Variants in COL14A1 observed in about 807,000 individuals in gnomAD.
COL14A1 encodes the protein collagen alpha-1(XIV) chain.
Under a neutral mutation model 230.3 loss-of-function variants are expected in COL14A1, and 136 were observed. The observed-to-expected ratio is 0.59, with a 90% CI of 0.51 to 0.68. COL14A1 has a LOEUF of 0.68. COL14A1 is among the 30% of genes least tolerant of loss of function. The pLI is 0.00. For synonymous variants in COL14A1, 792 were observed against 784.1 expected (o/e 1.01, Z -0.17); for missense variants, 1,976 against 2,215.8 (o/e 0.89, Z 2.17).
intron 26 of COL14A1, among the ~76,000 whole-genome samples, chr8:120,274,850 G>A (rs1369624883): frequency 1.3e-5 from 2 of 151,806 alleles, no homozygotes; most frequent in Non-Finnish European, 2.9e-5. Context: ...AATCAGAGAT[G>A]ACACAAACAA....
chr8:120,328,500 G>A (rs1821762301), intron 40 of COL14A1, among the ~76,000 whole-genome samples: 1 of 151,738 alleles, frequency 6.6e-6, no homozygotes, highest in South Asian at 2.1e-4. Context: ...CCAACATGCT[G>A]GGATTACAGG....
chr8:120,324,751 G>T (rs910235259), intron 40 of COL14A1, among the ~76,000 whole-genome samples: 2 of 152,094 alleles, frequency 1.3e-5, no homozygotes, highest in African/African-American at 4.8e-5. Flanking sequence ...ACCTACCATT[G>T]TCAGCTTCGA....
intron 40 of COL14A1, among the ~76,000 whole-genome samples, chr8:120,329,783 A>G (rs1821805517): frequency 6.6e-6 from 1 of 152,206 alleles, no homozygotes; most frequent in Non-Finnish European, 1.5e-5. Flanking sequence ...AAATACTAAT[A>G]TATTTCAGGA....
intron 19 of COL14A1, among the ~76,000 whole-genome samples, chr8:120,238,862 A>G (rs1163075112): frequency 6.6e-6 from 1 of 151,888 alleles, no homozygotes; most frequent in Non-Finnish European, 1.5e-5. Flanking sequence ...TAGGGGAGGG[A>G]GTTCCCCAAC....
At chr8:120,333,803 G>A (rs1219641962) in intron 42 of COL14A1, among the ~76,000 whole-genome samples, 2 of 152,162 alleles carry the variant, frequency 1.3e-5, no homozygotes, top group Non-Finnish European at 2.9e-5. Flanking sequence ...CTTGGCTCAT[G>A]TCCACCTGCA....
chr8:120,371,064 C>T, intron 47 of COL14A1, 88 bp from the exon 48 acceptor site: 1 of 1,194,930 alleles, frequency 8.4e-7, no homozygotes, highest in Non-Finnish European at 1.2e-6. Context: ...CAGGATATCT[C>T]TGTGTCTCTA....
At chr8:120,220,657 C>T (rs538510750) in intron 14 of COL14A1, among the ~76,000 whole-genome samples, 2 of 152,274 alleles carry the variant, frequency 1.3e-5, no homozygotes, top group Non-Finnish European at 1.5e-5. Flanking sequence ...ACTTCCTCTT[C>T]CTCCCTCTGC....
At position 120,224,023 on chromosome 8, in the gene COL14A1, C is replaced by CTTTTTTTTTTTT. The variant is rs962510256; in HGVS notation, c.1738-1055_1738-1044dup. On this transcript the variant is annotated intron_variant, in intron 14 of 47. Coordinates refer to ENST00000297848, the MANE Select transcript of COL14A1 (RefSeq NM_021110.4). ...GCCTTCTAGACCCTGCCCTCATCTC[C>CTTTTTTTTTTTT]TTTTTTTTTTTTTTTTTTTTTGAGA... Among the ~76,000 whole-genome samples, 668 of 78,262 alleles carry CTTTTTTTTTTTT rather than the reference C, an allele frequency of 8.5e-3. 107 individuals carry two copies. Among genetic ancestry groups the CTTTTTTTTTTTT allele is most frequent in the Non-Finnish European group, 9.7e-3 (435 of 44,656 alleles). 51.3% of individuals were successfully genotyped at this position (78,262 alleles called of 152,430 possible). A position where few individuals can be genotyped will look rare whatever the true frequency, so the allele number is the denominator to read the frequency against.
At chr8:120,192,136 A>G (rs1816848365) in intron 5 of COL14A1, among the ~76,000 whole-genome samples, 1 of 152,198 alleles carries the variant, frequency 6.6e-6, no homozygotes, top group South Asian at 2.1e-4. Flanking sequence ...GTTTCTTCTT[A>G]GTCTCAATGG....
Position 120,228,770 on chromosome 8 carries a change from G to A in COL14A1, c.2197+1G>A. The A allele has an allele frequency of 6.2e-7, 1 of 1,613,336 alleles. No homozygotes were observed. The highest frequency in any genetic ancestry group is 8.5e-7 in the Non-Finnish European group (1 of 1,179,470). On this transcript the variant is annotated splice_donor_variant, in intron 18 of 47. Transcript: ENST00000297848. LOFTEE classifies it high-confidence loss of function. Reference sequence around the variant, plus strand: ...GTGCCTACCACATCTGTGACTTCAGGTAAGGTCAAATAGTAGCCTGCTTAA... The same window carrying A: ...GTGCCTACCACATCTGTGACTTCAGATAAGGTCAAATAGTAGCCTGCTTAA...
chr8:120,135,873 TG>T (rs776599925), intron 1 of COL14A1, among the ~76,000 whole-genome samples: 1 of 152,108 alleles, frequency 6.6e-6, no homozygotes, highest in African/African-American at 2.4e-5. Flanking sequence ...TTGATGTCAT[TG>T]TAAATAAATT....
chr8:120,263,089 C>G (rs1819391746), intron 24 of COL14A1, 75 bp downstream of exon 24: 2 of 1,442,266 alleles, frequency 1.4e-6, no homozygotes. Context: ...TTTCCTTATC[C>G]CATTTAGAAA....
intron 2 of COL14A1, among the ~76,000 whole-genome samples, chr8:120,149,542 G>A (rs1815204211): frequency 6.6e-6 from 1 of 152,188 alleles, no homozygotes; most frequent in Non-Finnish European, 1.5e-5. Flanking sequence ...CGGGCAAGTT[G>A]CTAAGCCCTC....
chr8:120,202,159 C>A (rs1817270265), intron 8 of COL14A1, among the ~76,000 whole-genome samples: 1 of 152,124 alleles, frequency 6.6e-6, no homozygotes, highest in Non-Finnish European at 1.5e-5. Context: ...TAATGGAGAA[C>A]TAATTTATAT....
intron 37 of COL14A1, 74 bp from the exon 38 acceptor site, chr8:120,313,858 C>A: frequency 1.1e-6 from 1 of 915,820 alleles, no homozygotes; most frequent in South Asian, 1.6e-5. Context: ...TATAATTGTC[C>A]TAAGCAGAAA....
chr8:120,361,404 G>A (rs1823209635), intron 45 of COL14A1, among the ~76,000 whole-genome samples: 1 of 152,212 alleles, frequency 6.6e-6, no homozygotes, highest in South Asian at 2.1e-4. Context: ...TGGAGCCCCA[G>A]AAACTGGTAC....
At chr8:120,137,811 G>A (rs1814763001) in intron 1 of COL14A1, among the ~76,000 whole-genome samples, 1 of 151,112 alleles carries the variant, frequency 6.6e-6, no homozygotes, top group Non-Finnish European at 1.5e-5. Flanking sequence ...GTCTTTCTGT[G>A]TTGCCCAGTT....
chr8:120,344,064 T>C (rs1170570056), intron 44 of COL14A1, among the ~76,000 whole-genome samples: 1 of 152,222 alleles, frequency 6.6e-6, no homozygotes, highest in Non-Finnish European at 1.5e-5. Context: ...AGTCTTGTGA[T>C]TGACTTCTAG....
At chr8:120,213,483 T>C (rs1429334427) in intron 13 of COL14A1, among the ~76,000 whole-genome samples, 1 of 152,196 alleles carries the variant, frequency 6.6e-6, no homozygotes, top group Non-Finnish European at 1.5e-5. Flanking sequence ...ATCCACTCTT[T>C]GTTAGTCAAG....
Sources: allele counts gnomAD v4.1 joint callset (sites outside exome capture counted in the v4.1 genomes callset), GRCh38; gene constraint gnomAD v4.1.1; transcripts MANE v1.5; gene names NCBI Gene and HGNC (gene_info 2026-07-23, HGNC 2026-07-21).